CSMD1: variants seen among roughly 807,000 people sequenced by gnomAD.
CSMD1 encodes CUB and Sushi multiple domains 1.
Under a neutral mutation model 417.5 loss-of-function variants are expected in CSMD1, and 213 were observed. That is an observed-to-expected ratio of 0.51 (90% CI 0.46 to 0.57). The LOEUF (loss-of-function observed/expected upper bound fraction) is 0.57. Among genes scored for constraint, CSMD1 ranks in the 20% least tolerant of loss-of-function variants. The probability of loss-of-function intolerance (pLI) is 0.00; values close to 1 mark genes in which losing one functional copy is unlikely to be tolerated. For synonymous variants in CSMD1, 2,862 were observed against 1,736.8 expected, an observed-to-expected ratio of 1.65 and a Z score of -16.11; for missense variants, 6,923 against 4,529.7, an observed-to-expected ratio of 1.53 and a Z score of -15.17.
intron 7 of CSMD1, among the ~76,000 whole-genome samples, chr8:3,695,302 G>A (rs148353920): frequency 1.0e-3 from 153 of 152,158 alleles, no homozygotes; most frequent in Middle Eastern, 6.8e-3. Context: ...GAATTTGCAA[G>A]CTAATGCCCT....
chr8:4,882,884 T>C (rs970017464), intron 1 of CSMD1, among the ~76,000 whole-genome samples: 3 of 152,022 alleles, frequency 2.0e-5, no homozygotes, highest in Non-Finnish European at 4.4e-5. Context: ...AGCAAAGGAA[T>C]GAGAGCAAGT....
intron 5 of CSMD1, among the ~76,000 whole-genome samples, chr8:3,856,509 T>C (rs1166948884): frequency 6.6e-6 from 1 of 152,146 alleles, no homozygotes; most frequent in African/African-American, 2.4e-5. Flanking sequence ...TGCATGAGGA[T>C]CAAATGGAAA....
intron 49 of CSMD1, among the ~76,000 whole-genome samples, chr8:3,083,643 TATATA>T (rs1289099603): frequency 7.2e-4 from 22 of 30,680 alleles, no homozygotes; most frequent in East Asian, 4.8e-3. Flanking sequence ...TATATATATA[TATATA>T]TTTTTTTTTT....
chr8:3,982,197 A>AATAATAATATTAAT lies in CSMD1; in HGVS notation c.818+15705_818+15706insATTAATATTATTAT, dbSNP rs199836458. 2.6e-3 allele frequency among the ~76,000 whole-genome samples: 276 copies of AATAATAATATTAAT among 105,534 alleles called. 3 individuals are homozygous for AATAATAATATTAAT. The highest frequency in any genetic ancestry group is 0.02 in the East Asian group (84 of 4,162). 69.2% of individuals were successfully genotyped at this position (105,534 alleles called of 152,430 possible). On this transcript the variant is annotated intron_variant, in intron 5 of 69. Transcript: ENST00000635120. ...TAATAATAATAATAATAATATTAAT[A>AATAATAATATTAAT]AAAAAAATAATAATAATAAACTAGT... is the stretch of plus-strand genomic sequence containing the variant.
At position 3,478,989 on chromosome 8, in the gene CSMD1, C is replaced by T. The variant is rs75345149; in HGVS notation, c.1449-10165G>A. Among the ~76,000 whole-genome samples the T allele has an allele frequency of 9.8e-3, 1,498 of 152,106 alleles. 67 individuals are homozygous for T. The highest frequency in any genetic ancestry group is 0.073 in the Admixed American group (1,110 of 15,288). ...GAGTGGTCCCTCCGACCTCCCTCAT[C>T]GCCTCACCAACATCTCCCCAAGCCC... On this transcript the variant is annotated intron_variant, in intron 11 of 69. Transcript: ENST00000635120.
intron 3 of CSMD1, among the ~76,000 whole-genome samples, chr8:4,344,497 T>C (rs35013239): frequency 0.099 from 15,069 of 151,584 alleles, 956 homozygotes; most frequent in South Asian, 0.22. Flanking sequence ...ATCTATTTTT[T>C]CATTTTCATA....
chr8:2,962,757 G>A (rs979168152), intron 60 of CSMD1, 118 bp from the exon 61 acceptor site: 6 of 1,094,938 alleles, frequency 5.5e-6, no homozygotes, highest in African/African-American at 1.6e-5. Flanking sequence ...CAAGAAAAAC[G>A]CTAAAAGGAG....
chr8:4,485,914 G>T (rs1052030455), intron 2 of CSMD1, among the ~76,000 whole-genome samples: 1 of 151,852 alleles, frequency 6.6e-6, no homozygotes, highest in East Asian at 1.9e-4. Context: ...CTGGCAGCCA[G>T]GAAGTTCATT....
At chr8:3,867,923 G>A (rs1805219265) in intron 5 of CSMD1, among the ~76,000 whole-genome samples, 1 of 151,938 alleles carries the variant, frequency 6.6e-6, no homozygotes, top group Admixed American at 6.6e-5. Context: ...CTCCTGCCTG[G>A]ACACCCTTAC....
At chr8:4,024,730 G>T (rs145839196) in intron 4 of CSMD1, among the ~76,000 whole-genome samples, 2 of 152,154 alleles carry the variant, frequency 1.3e-5, no homozygotes, top group Non-Finnish European at 2.9e-5. Flanking sequence ...GTTGCACATA[G>T]GAGCTACTGC....
chr8:3,640,364 G>A (rs972920987), intron 7 of CSMD1, among the ~76,000 whole-genome samples: 28 of 152,128 alleles, frequency 1.8e-4, no homozygotes, highest in African/African-American at 6.3e-4. Context: ...TTTATTGAAG[G>A]CATTGTCAAA....
At chr8:4,495,580 A>T (rs1801941411) in intron 2 of CSMD1, among the ~76,000 whole-genome samples, 1 of 118,674 alleles carries the variant, frequency 8.4e-6, no homozygotes, top group Non-Finnish European at 2.0e-5. Flanking sequence ...ATCTCAGAAA[A>T]AAAGAAAAAA....
At chr8:3,981,998 C>A (rs1016822437) in intron 5 of CSMD1, among the ~76,000 whole-genome samples, 5 of 151,698 alleles carry the variant, frequency 3.3e-5, no homozygotes, top group East Asian at 1.9e-4. Flanking sequence ...GGTGAAACCC[C>A]GTCTCTACTA....
chr8:3,164,310 T>C (rs1479964465), intron 37 of CSMD1, among the ~76,000 whole-genome samples: 1 of 152,204 alleles, frequency 6.6e-6, no homozygotes, highest in African/African-American at 2.4e-5. Context: ...GAAATAGATT[T>C]TTCCTTAAAT....
At chr8:3,918,864 T>C (rs1450702500) in intron 5 of CSMD1, among the ~76,000 whole-genome samples, 1 of 152,028 alleles carries the variant, frequency 6.6e-6, no homozygotes, top group African/African-American at 2.4e-5. Flanking sequence ...CAATGGACTT[T>C]GGGGACTTGT....
At chr8:4,481,035 C>T (rs74710581) in intron 2 of CSMD1, among the ~76,000 whole-genome samples, 1,717 of 152,266 alleles carry the variant, frequency 0.011, 39 homozygotes, top group African/African-American at 0.039. Flanking sequence ...ATTTCTCTCC[C>T]AACCCAAGTA....
chr8:3,711,668 G>C (rs142771147), intron 6 of CSMD1, among the ~76,000 whole-genome samples: 2 of 151,976 alleles, frequency 1.3e-5, no homozygotes, highest in African/African-American at 2.4e-5. Flanking sequence ...CCACTTCTGC[G>C]GTTCTCCTGG....
intron 2 of CSMD1, among the ~76,000 whole-genome samples, chr8:4,606,553 T>G (rs1377309854): frequency 6.6e-6 from 1 of 152,168 alleles, no homozygotes; most frequent in African/African-American, 2.4e-5. Flanking sequence ...TGTCAGCTGC[T>G]GAAACACAGC....
intron 7 of CSMD1, among the ~76,000 whole-genome samples, chr8:3,686,237 C>T (rs371573472): frequency 6.6e-6 from 1 of 152,048 alleles, no homozygotes; most frequent in Non-Finnish European, 1.5e-5. Context: ...TTACTGACTT[C>T]GTGGATAATC....
Sources: allele counts gnomAD v4.1 joint callset (sites outside exome capture counted in the v4.1 genomes callset), GRCh38; gene constraint gnomAD v4.1.1; transcripts MANE v1.5; gene names NCBI Gene and HGNC (gene_info 2026-07-23, HGNC 2026-07-21).